The following DARS1 variants were observed in gnomAD, a reference collection of about 807,000 sequenced individuals.
The protein encoded by DARS1 is aspartyl-tRNA synthetase 1, also known as aspartate--tRNA ligase, cytoplasmic.
DARS1 carries 51 observed loss-of-function variants against 68.8 expected under a neutral mutation model. The ratio of observed to expected loss-of-function variants is 0.74; its 90% CI spans 0.59 to 0.94. DARS1 has a LOEUF of 0.94. Among genes scored for constraint, DARS1 ranks in the 40% least tolerant of loss-of-function variants. DARS1 has a pLI of 0.00. For synonymous variants in DARS1, 203 were observed against 190.4 expected (o/e 1.07, Z -0.55); for missense variants, 607 against 597.3 (o/e 1.02, Z -0.17).
chr2:135,938,107 T>C (rs368425687), intron 5 of DARS1, among the ~76,000 whole-genome samples: 1 of 152,224 alleles, frequency 6.6e-6, no homozygotes, highest in South Asian at 2.1e-4. Flanking sequence ...CCATTCTCCC[T>C]GTCACTTTCA....
chr2:135,938,896 G>A (rs1021797097), intron 5 of DARS1, among the ~76,000 whole-genome samples: 6 of 152,052 alleles, frequency 3.9e-5, no homozygotes, highest in Non-Finnish European at 1.5e-5. Context: ...AGCCAACAAA[G>A]ATCAAAAGAG....
chr2:135,916,209 A>C lies in DARS1; in HGVS notation c.1106+17T>G, dbSNP rs1189211836. On this transcript the variant is annotated intron_variant, in intron 11 of 15. Coordinates refer to ENST00000264161, the MANE Select transcript of DARS1 (RefSeq NM_001349.4). ...GATCCTGGAACTTAAAGTAAAAAAAAAGCCACAAAGACAAACCTCAGATCG... is the reference window on the plus strand; with the variant it reads ...GATCCTGGAACTTAAAGTAAAAAAACAGCCACAAAGACAAACCTCAGATCG... 1 of 1,523,348 alleles carries C rather than the reference A, an allele frequency of 6.6e-7. No individual in the cohort carries two copies. Among genetic ancestry groups the C allele is most frequent in the Non-Finnish European group, 9.1e-7 (1 of 1,102,688 alleles). 94.4% of individuals were successfully genotyped at this position (1,523,348 alleles called of 1,614,324 possible). A position where few individuals can be genotyped will look rare whatever the true frequency, so the allele number is the denominator to read the frequency against.
intron 4 of DARS1, among the ~76,000 whole-genome samples, chr2:135,951,064 G>C (rs1681829276): frequency 6.6e-6 from 1 of 152,180 alleles, no homozygotes; most frequent in Non-Finnish European, 1.5e-5. Flanking sequence ...AGGCAGCCTG[G>C]GGGAGGCAGA....
chr2:135,928,881 C>T (rs1460115797), intron 7 of DARS1, among the ~76,000 whole-genome samples: 1 of 152,036 alleles, frequency 6.6e-6, no homozygotes, highest in Non-Finnish European at 1.5e-5. Flanking sequence ...TCAAGTGATC[C>T]ACTGTGCTCG....
intron 4 of DARS1, among the ~76,000 whole-genome samples, chr2:135,960,281 G>C (rs772020873): frequency 1.3e-5 from 2 of 152,122 alleles, no homozygotes; most frequent in Non-Finnish European, 2.9e-5. Context: ...TACAATTCAT[G>C]GCACTTAAGT....
chr2:135,948,430 C>T (rs1216021437), intron 4 of DARS1, among the ~76,000 whole-genome samples: 3 of 152,212 alleles, frequency 2.0e-5, no homozygotes, highest in African/African-American at 7.2e-5. Context: ...AATTAAGCTT[C>T]TCCTAAGATA....
At chr2:135,908,722 G>T (rs1680836652) in intron 15 of DARS1, among the ~76,000 whole-genome samples, 1 of 152,182 alleles carries the variant, frequency 6.6e-6, no homozygotes, top group Non-Finnish European at 1.5e-5. Context: ...CTTTTGAGAA[G>T]TGTCTGTTCA....
At position 135,922,866 on chromosome 2, in the gene DARS1, A is replaced by G. The variant is rs1277662540; in HGVS notation, c.729T>C (p.Asn243=). 1.3e-6 allele frequency: 2 copies of G among 1,585,728 alleles called. No homozygotes were observed. The highest frequency in any genetic ancestry group is 1.7e-6 in the Non-Finnish European group (2 of 1,167,128). Reference sequence around the variant, plus strand: ...GCTGTGGGGACTGAGCCAGGTATGCATTATTTTTAAAATATGACACAGTAA... The same window carrying G: ...GCTGTGGGGACTGAGCCAGGTATGCGTTATTTTTAAAATATGACACAGTAA... ...NVFTVSYFKN[N]AYLAQSPQLY... is the part of the protein sequence containing the mutation. The change falls in exon 9 of 16, where the codon AAT becomes AAC. Residue 243 remains asparagine, a synonymous_variant. Transcript: ENST00000264161.
At chr2:135,947,340 A>G (rs1681747507) in intron 4 of DARS1, among the ~76,000 whole-genome samples, 1 of 151,726 alleles carries the variant, frequency 6.6e-6, no homozygotes, top group East Asian at 1.9e-4. Flanking sequence ...CCCAGGAGAC[A>G]GAGGTTACAG....
intron 13 of DARS1, 199 bp from the exon 14 acceptor site, chr2:135,911,692 C>T: frequency 8.7e-6 from 4 of 458,354 alleles, no homozygotes; most frequent in East Asian, 3.7e-5. Context: ...CTGTGCTCTC[C>T]TCCCACACCC....
At chr2:135,947,207 A>G (rs1681744005) in intron 4 of DARS1, among the ~76,000 whole-genome samples, 1 of 152,114 alleles carries the variant, frequency 6.6e-6, no homozygotes, top group Non-Finnish European at 1.5e-5. Flanking sequence ...GGAGTTTAAG[A>G]CCAGCGTGGC....
At chr2:135,985,355 C>G (rs1337528242) in intron 1 of DARS1, 48 bp downstream of exon 1, 1 of 1,599,150 alleles carries the variant, frequency 6.3e-7, no homozygotes, top group South Asian at 1.1e-5. Context: ...TCGGCGCAGC[C>G]CGGCCCAGGG....
Position 135,943,413 on chromosome 2 carries a change from A to G in DARS1, c.388T>C (p.Cys130Arg). Residue 130 changes from cysteine (C) to arginine (R), a missense_variant, in exon 5 of 16, where the codon TGT becomes CGT. Transcript: ENST00000264161. ...VRKVNQKIGS[C>R]TQQDVELHVQ... The stretch of plus-strand genomic sequence containing the variant: ...TGTAACTCAACGTCTTGCTGTGTAC[A>G]GCTTCCAATTTTCTGATTCACTTTT... The G allele has an allele frequency of 6.2e-7, 1 of 1,613,760 alleles. No homozygotes were observed. The highest frequency in any genetic ancestry group is 1.1e-5 in the South Asian group (1 of 91,062).
chr2:135,913,879 G>A (rs1680947784), intron 12 of DARS1, among the ~76,000 whole-genome samples: 1 of 152,274 alleles, frequency 6.6e-6, no homozygotes, highest in Admixed American at 6.5e-5. Flanking sequence ...CATTTTAAAG[G>A]TATAAACTGA....
At chr2:135,937,191 C>A (rs1291540152) in intron 5 of DARS1, among the ~76,000 whole-genome samples, 1 of 151,996 alleles carries the variant, frequency 6.6e-6, no homozygotes, top group African/African-American at 2.4e-5. Context: ...TGGGTTCAAG[C>A]AATTCTCTTG....
chr2:135,946,584 A>C (rs1173621463), intron 4 of DARS1, among the ~76,000 whole-genome samples: 1 of 152,204 alleles, frequency 6.6e-6, no homozygotes. Context: ...TTTGGAGAGC[A>C]CTGGGGTAGA....
chr2:135,964,657 G>A (rs1281839906), intron 3 of DARS1, among the ~76,000 whole-genome samples: 2 of 151,832 alleles, frequency 1.3e-5, no homozygotes, highest in Admixed American at 6.6e-5. Context: ...GTTGGCCAAC[G>A]TGGTGAAACC....
chr2:135,968,650 G>C (rs571948380), intron 3 of DARS1, among the ~76,000 whole-genome samples: 20 of 151,278 alleles, frequency 1.3e-4, no homozygotes, highest in Non-Finnish European at 2.4e-4. Context: ...GCCACACTGG[G>C]GATTCAGCTT....
chr2:135,914,686 A>G (rs1680970426), intron 11 of DARS1, 175 bp from the exon 12 acceptor site: 1 of 604,020 alleles, frequency 1.7e-6, no homozygotes, highest in Non-Finnish European at 3.0e-6. Context: ...ACTTATGAGT[A>G]TACCTTGGTA....
Sources: gnomAD v4.1 joint callset for allele counts (sites outside exome capture counted in the v4.1 genomes callset) on GRCh38, gnomAD v4.1.1 for gene constraint, MANE v1.5 for transcripts, NCBI Gene and HGNC (gene_info 2026-07-23, HGNC 2026-07-21) for gene names.